VXN: variants seen among roughly 807,000 people sequenced by gnomAD.
VXN encodes vexin, also known as uncharacterized protein C8orf46.
A neutral mutation model predicts 23.1 loss-of-function variants in VXN; 7 were observed. That is an observed-to-expected ratio of 0.30 (90% CI 0.17 to 0.57). The LOEUF is 0.57. VXN is among the 20% of genes least tolerant of loss of function. The pLI, the probability that VXN is intolerant of heterozygous loss-of-function variation, is 0.91. For missense variants in VXN, 238 were observed against 272.6 expected (o/e 0.87, Z 0.89); for synonymous variants, 120 against 105.8 (o/e 1.13, Z -0.83).
At chr8:66,501,904 T>G (rs557066477) in intron 2 of VXN, among the ~76,000 whole-genome samples, 39 of 152,324 alleles carry the variant, frequency 2.6e-4, no homozygotes, top group African/African-American at 9.4e-4. Flanking sequence ...TAAAAGCAAT[T>G]GTGATTGATT....
rs116738428 is a variant in VXN at position 66,514,103 on chromosome 8, G to A, written c.440+466G>A. On this transcript the variant is annotated intron_variant, in intron 5 of 5. Transcript: ENST00000305454. The stretch of plus-strand genomic sequence containing the variant: ...GCTTTCATCCAGAACCGGCAGCTAG[G>A]GAGGCAGGAGCGGATAACCCCCGAC... 1,050 of 169,612 alleles carry A rather than the reference G, an allele frequency of 6.2e-3. 8 individuals are homozygous for A. The highest frequency in any genetic ancestry group is 0.024 in the African/African-American group (995 of 41,646). The allele number at this position is 169,612 out of a possible 1,614,324, so 10.5% of individuals were successfully genotyped here. A position where few individuals can be genotyped will look rare whatever the true frequency, so the allele number is the denominator to read the frequency against.
chr8:66,501,593 C>T (rs1453357191), intron 2 of VXN, among the ~76,000 whole-genome samples: 2 of 152,204 alleles, frequency 1.3e-5, no homozygotes, highest in Non-Finnish European at 2.9e-5. Context: ...CTTGTCTTCC[C>T]ATATTCAGTC....
chr8:66,494,490 C>G (rs1378259066), intron 1 of VXN: 1 of 152,368 alleles, frequency 6.6e-6, no homozygotes, highest in African/African-American at 2.4e-5. Flanking sequence ...AGCCCCTGGT[C>G]TCATTGTCAG....
chr8:66,514,365 A>T (rs1331700769), intron 5 of VXN: 1 of 152,284 alleles, frequency 6.6e-6, no homozygotes, highest in African/African-American at 2.4e-5. Flanking sequence ...CTGTTCAAAA[A>T]CAAAAAGGTA....
chr8:66,511,160 G>A (rs1807819585), intron 4 of VXN, among the ~76,000 whole-genome samples: 1 of 152,162 alleles, frequency 6.6e-6, no homozygotes, highest in Non-Finnish European at 1.5e-5. Flanking sequence ...GAAGGGGATG[G>A]GGTGGCACAT....
At chr8:66,497,141 C>T (rs1299050406) in intron 2 of VXN, among the ~76,000 whole-genome samples, 1 of 152,188 alleles carries the variant, frequency 6.6e-6, no homozygotes, top group Non-Finnish European at 1.5e-5. Flanking sequence ...CCTTGGCCTT[C>T]CAAAGTGCTG....
In VXN at chr8:66,515,910, A is replaced by G. The variant is rs1217952202; in HGVS notation, c.458A>G (p.Lys153Arg). ...TTCTTTAGATCCAGACATCTCAAGA[A>G]GATGACTGAAGAGTATCCAGCCCTT... The part of the protein sequence containing the change: ...VLMRGSRHLK[K>R]MTEEYPALPQ... Residue 153 changes from lysine (K) to arginine (R), a missense_variant, in exon 6 of 6, where the codon AAG (lysine) becomes AGG (arginine). Lys to Arg is a conservative substitution (Grantham distance 26, BLOSUM62 2). Coordinates refer to ENST00000305454, the MANE Select transcript of VXN (RefSeq NM_152765.4). 3.7e-6 allele frequency: 6 copies of G among 1,601,874 alleles called. No individual in the cohort carries two copies. Among genetic ancestry groups the G allele is most frequent in the Non-Finnish European group, 4.3e-6 (5 of 1,174,508 alleles).
intron 2 of VXN, among the ~76,000 whole-genome samples, chr8:66,497,045 T>C (rs1454146978): frequency 6.6e-6 from 1 of 152,136 alleles, no homozygotes; most frequent in Non-Finnish European, 1.5e-5. Context: ...CCAGCACGCC[T>C]GGCTAATTTT....
chr8:66,494,013 C>T (rs1014456652), intron 1 of VXN, among the ~76,000 whole-genome samples: 1 of 152,104 alleles, frequency 6.6e-6, no homozygotes, highest in Non-Finnish European at 1.5e-5. Context: ...CATTGCTATG[C>T]ACACAGGTGA....
chr8:66,513,723 T>TGC, intron 5 of VXN, 86 bp downstream of exon 5: 1 of 1,123,848 alleles, frequency 8.9e-7, no homozygotes, highest in Non-Finnish European at 1.3e-6. Flanking sequence ...GGCCGCCTGG[T>TGC]TGACAGACCC....
At chr8:66,502,164 A>T (rs1807699067) in intron 2 of VXN, among the ~76,000 whole-genome samples, 1 of 152,086 alleles carries the variant, frequency 6.6e-6, no homozygotes, top group South Asian at 2.1e-4. Context: ...CCTTCTCTAG[A>T]CGGCCTCTCC....
intron 3 of VXN, among the ~76,000 whole-genome samples, chr8:66,506,960 A>T (rs966497728): frequency 7.2e-5 from 11 of 152,286 alleles, no homozygotes; most frequent in Admixed American, 2.0e-4. Context: ...AGAAGAAGAG[A>T]CAGAATATTT....
In VXN at chr8:66,516,973, G is replaced by A. The variant is rs1297408075; in HGVS notation, c.*897G>A. On this transcript the variant is annotated 3_prime_UTR_variant, in exon 6 of 6. Coordinates refer to ENST00000305454, the MANE Select transcript of VXN (RefSeq NM_152765.4). ...ACTCTCTAGCAACTGACTTGGGGAA[G>A]TTTTTAAATGGTGAGAGTGTGTCTC... The A allele has an allele frequency of 6.6e-6, 1 of 152,182 alleles. No individual in the cohort carries two copies. The highest frequency in any genetic ancestry group is 1.5e-5 in the Non-Finnish European group (1 of 68,034). The allele number at this position is 152,182 out of a possible 1,614,324, so 9.4% of individuals were successfully genotyped here.
intron 5 of VXN, among the ~76,000 whole-genome samples, chr8:66,515,035 T>G (rs1007494449): frequency 1.3e-5 from 2 of 152,184 alleles, no homozygotes; most frequent in Non-Finnish European, 1.5e-5. Flanking sequence ...ACAAAAAAAT[T>G]TTCTTTGATT....
intron 4 of VXN, among the ~76,000 whole-genome samples, chr8:66,511,603 A>T (rs1025933149): frequency 6.6e-6 from 1 of 152,230 alleles, no homozygotes; most frequent in African/African-American, 2.4e-5. Flanking sequence ...GAGAAAAAGC[A>T]AGGTCAAGAG....
At chr8:66,496,985 A>G (rs1563505064) in intron 2 of VXN, among the ~76,000 whole-genome samples, 1 of 152,148 alleles carries the variant, frequency 6.6e-6, no homozygotes. Context: ...CCAGGGTTCA[A>G]GGGATTCCCC....
chr8:66,509,430 G>A (rs556083968), intron 3 of VXN, among the ~76,000 whole-genome samples: 4 of 152,272 alleles, frequency 2.6e-5, no homozygotes, highest in Non-Finnish European at 4.4e-5. Flanking sequence ...CATACATCTC[G>A]TAAAGCCAGT....
At chr8:66,508,709 T>C (rs1308056769) in intron 3 of VXN, among the ~76,000 whole-genome samples, 1 of 152,208 alleles carries the variant, frequency 6.6e-6, no homozygotes, top group East Asian at 1.9e-4. Context: ...GTCAGTTTGC[T>C]ACTCCCTAAA....
chr8:66,498,342 AAAT>A (rs891175853), intron 2 of VXN, among the ~76,000 whole-genome samples: 7 of 152,142 alleles, frequency 4.6e-5, no homozygotes, highest in Non-Finnish European at 8.8e-5. Flanking sequence ...CAAATAAAAA[AAAT>A]AATAATAATG....
Sources: allele counts gnomAD v4.1 joint callset (sites outside exome capture counted in the v4.1 genomes callset), GRCh38; gene constraint gnomAD v4.1.1; transcripts MANE v1.5; gene names NCBI Gene and HGNC (gene_info 2026-07-23, HGNC 2026-07-21).